Variants in BCLAF3 observed in about 807,000 individuals in gnomAD.
BCLAF3 encodes transient octamer binding factor 1.
A neutral mutation model predicts 51.2 loss-of-function variants in BCLAF3; 24 were observed. That is an observed-to-expected ratio of 0.47 (90% CI 0.34 to 0.66). The LOEUF (loss-of-function observed/expected upper bound fraction) is 0.66, where lower values mean the gene tolerates loss of function less well. BCLAF3 is among the 30% of genes least tolerant of loss of function. The pLI is 0.01. For synonymous variants in BCLAF3, 152 were observed against 176.6 expected, an observed-to-expected ratio of 0.86 and a Z score of 1.10; for missense variants, 465 against 525.1, an observed-to-expected ratio of 0.89 and a Z score of 1.12.
chrX:19,964,986 G>T, intron 4 of BCLAF3, 58 bp downstream of exon 4: 1 of 977,040 alleles, frequency 1.0e-6, no homozygotes, highest in Non-Finnish European at 1.4e-6. Context: ...TTTTGAAGCT[G>T]CAAATAAAGA....
chrX:19,983,119 T>C (rs2072674329), intron 1 of BCLAF3, among the ~76,000 whole-genome samples: 1 of 106,089 alleles, frequency 9.4e-6, no homozygotes, highest in Non-Finnish European at 1.9e-5. Context: ...CACGCCCAGC[T>C]AAATTTTTTT....
At chrX:19,990,262 G>A (rs188576879) in intron 1 of BCLAF3, among the ~76,000 whole-genome samples, 2 of 112,385 alleles carry the variant, frequency 1.8e-5, no homozygotes, top group East Asian at 5.6e-4. Context: ...CTACCAACAG[G>A]ACAGTCCTGA....
rs746921446 is a variant in BCLAF3, at chrX:19,916,499, G to C, written c.*806C>G. On this transcript the variant is annotated 3_prime_UTR_variant, in exon 12 of 12. Coordinates refer to ENST00000379682, the MANE Select transcript of BCLAF3 (RefSeq NM_001367774.2). The stretch of plus-strand genomic sequence containing the variant: ...ATGTGCTTGCAAAATGTGTAATGCT[G>C]TAGTAGTAAAGTACAATTTTCAAAT... The C allele has an allele frequency of 1.8e-5, 2 of 112,441 alleles. No homozygotes were observed. Among genetic ancestry groups the C allele is most frequent in the Admixed American group, 1.9e-4 (2 of 10,524 alleles). 9.3% of individuals were successfully genotyped at this position (112,441 alleles called of 1,213,427 possible).
At chrX:19,948,577 G>A (rs760708920) in intron 8 of BCLAF3, among the ~76,000 whole-genome samples, 3 of 109,079 alleles carry the variant, frequency 2.8e-5, no homozygotes, top group Non-Finnish European at 5.7e-5. Context: ...ACCAGCCTGG[G>A]CAACATGGTG....
At chrX:19,981,714 A>C (rs2072617889) in intron 1 of BCLAF3, among the ~76,000 whole-genome samples, 1 of 112,620 alleles carries the variant, frequency 8.9e-6, no homozygotes, top group South Asian at 3.6e-4. Flanking sequence ...GTACCAATAC[A>C]TGCTACAACA....
chrX:19,977,635 G>A (rs924177687), intron 1 of BCLAF3, among the ~76,000 whole-genome samples: 8 of 112,683 alleles, frequency 7.1e-5, no homozygotes, highest in Non-Finnish European at 1.5e-4. Flanking sequence ...AGGGCAAAGT[G>A]AGGCAGCAAG....
rs2072911114 is a variant in BCLAF3, at chrX:19,990,918, AGCCCCCGCCGCCGCCGCCGCC to A, written c.-66_-46del. Among the ~76,000 whole-genome samples, 1 of 73,950 alleles carries A rather than the reference AGCCCCCGCCGCCGCCGCCGCC, an allele frequency of 1.4e-5. No individual in the cohort carries two copies. The highest frequency in any genetic ancestry group is 5.0e-5 in the African/African-American group (1 of 19,933). 64.2% of individuals were successfully genotyped at this position (73,950 alleles called of 115,157 possible). A position where few individuals can be genotyped will look rare whatever the true frequency, so the allele number is the denominator to read the frequency against. On this transcript the variant is annotated 5_prime_UTR_variant, in exon 1 of 12. Transcript: ENST00000379682. ...CCCCGAGCCGCTCACCCGGCCGGGA[AGCCCCCGCCGCCGCCGCCGCC>A]GCCGCCGCCGCCGCCGCCGCCGCCG...
intron 1 of BCLAF3, among the ~76,000 whole-genome samples, chrX:19,975,263 A>G (rs1316043744): frequency 1.8e-5 from 2 of 110,678 alleles, no homozygotes; most frequent in African/African-American, 6.6e-5. Flanking sequence ...AAAGAAGAAG[A>G]ATATGTGACA....
intron 11 of BCLAF3, among the ~76,000 whole-genome samples, chrX:19,927,188 T>C (rs1352663100): frequency 1.8e-5 from 2 of 110,477 alleles, no homozygotes; most frequent in African/African-American, 6.6e-5. Flanking sequence ...GATGGTGCCA[T>C]TGTACTCCAG....
chrX:19,945,295 A>C (rs1204138186), intron 8 of BCLAF3, among the ~76,000 whole-genome samples: 1 of 107,924 alleles, frequency 9.3e-6, no homozygotes, highest in Non-Finnish European at 1.9e-5. Flanking sequence ...TTCTCCATCC[A>C]GCTTTGTTCC....
rs773533742 is a variant in BCLAF3 at position 19,926,986 on chromosome X, G to A, written c.2106+2799C>T. Among the ~76,000 whole-genome samples the A allele has an allele frequency of 1.2e-4, 13 of 111,494 alleles. 1 individual carries two copies. The highest frequency in any genetic ancestry group is 1.7e-4 in the Non-Finnish European group (9 of 53,128). ...TTACACCTGTAATGCCAGCACTTTG[G>A]GAGGCCGAGGCAGGTGGATCACATG... On this transcript the variant is annotated intron_variant, in intron 11 of 11. Transcript: ENST00000379682.
chrX:19,917,138 A>G lies in BCLAF3; in HGVS notation c.*167T>C. The G allele has an allele frequency of 4.0e-6, 2 of 497,301 alleles. No homozygotes were observed. Among genetic ancestry groups the G allele is most frequent in the Admixed American group, 6.9e-5 (2 of 28,884 alleles). The allele number at this position is 497,301 out of a possible 1,213,427, so 41.0% of individuals were successfully genotyped here. A position where few individuals can be genotyped will look rare whatever the true frequency, so the allele number is the denominator to read the frequency against. On this transcript the variant is annotated 3_prime_UTR_variant, in exon 12 of 12. Transcript: ENST00000379682. The stretch of plus-strand genomic sequence containing the variant: ...AATTGAATACTGTAATTTAAAAGCA[A>G]TTGTTAGGTGTAAAAAAGTTGCAGC...
At chrX:19,974,508 C>A (rs749505077) in intron 1 of BCLAF3, among the ~76,000 whole-genome samples, 12 of 111,813 alleles carry the variant, frequency 1.1e-4, no homozygotes, top group Non-Finnish European at 2.3e-4. Context: ...TATTTACAAG[C>A]GACATTTATT....
At chrX:19,920,746 G>A (rs1403362150) in intron 11 of BCLAF3, among the ~76,000 whole-genome samples, 7 of 108,957 alleles carry the variant, frequency 6.4e-5, no homozygotes, top group East Asian at 2.9e-4. Flanking sequence ...ACTTAAGCCC[G>A]GGAGGTGGAG....
At chrX:19,959,558 A>G (rs756686553) in intron 4 of BCLAF3, among the ~76,000 whole-genome samples, 1 of 109,516 alleles carries the variant, frequency 9.1e-6, no homozygotes, top group East Asian at 2.9e-4. Context: ...GGATTGCTTG[A>G]GCTCAGGAGT....
chrX:19,950,377 T>C (rs1381186200), intron 8 of BCLAF3, among the ~76,000 whole-genome samples: 1 of 112,080 alleles, frequency 8.9e-6, no homozygotes, highest in Non-Finnish European at 1.9e-5. Context: ...TTCAGGAAAT[T>C]TTCTACTATT....
At chrX:19,983,794 C>T (rs925837184) in intron 1 of BCLAF3, among the ~76,000 whole-genome samples, 1 of 109,919 alleles carries the variant, frequency 9.1e-6, no homozygotes, top group African/African-American at 3.3e-5. Context: ...GGCAGCTGGG[C>T]AAGGTGGCTT....
At chrX:19,948,626 C>T (rs1428942816) in intron 8 of BCLAF3, among the ~76,000 whole-genome samples, 1 of 108,921 alleles carries the variant, frequency 9.2e-6, no homozygotes. Flanking sequence ...GAAAAATTAG[C>T]CGGGTGTGGT....
intron 10 of BCLAF3, chrX:19,935,328 G>C (rs1490367941): frequency 8.7e-6 from 1 of 114,857 alleles, no homozygotes; most frequent in East Asian, 2.7e-4. Flanking sequence ...AATAATTAGA[G>C]TGTGATAAAA....
Sources: gnomAD v4.1 joint callset for allele counts (sites outside exome capture counted in the v4.1 genomes callset) on GRCh38, gnomAD v4.1.1 for gene constraint, MANE v1.5 for transcripts, NCBI Gene and HGNC (gene_info 2026-07-23, HGNC 2026-07-21) for gene names.